The following FRMD5 variants were observed in gnomAD, a reference collection of about 807,000 sequenced individuals.
The protein encoded by FRMD5 is FERM domain containing 5.
FRMD5 carries 20 observed loss-of-function variants against 69.0 expected under a neutral mutation model. The ratio of observed to expected loss-of-function variants is 0.29; its 90% CI spans 0.20 to 0.42. The LOEUF is 0.42. Ranked by LOEUF, FRMD5 falls within the 10% of genes least tolerant of loss-of-function variation. The pLI is 1.00. For synonymous variants in FRMD5, 271 were observed against 260.1 expected, an observed-to-expected ratio of 1.04 and a Z score of -0.40; for missense variants, 595 against 708.6, an observed-to-expected ratio of 0.84 and a Z score of 1.82.
intron 1 of FRMD5, among the ~76,000 whole-genome samples, chr15:44,168,147 T>G (rs1212238860): frequency 3.3e-5 from 5 of 152,180 alleles, no homozygotes; most frequent in Non-Finnish European, 1.5e-5. Context: ...TAAATCAAAT[T>G]GTTTGCATTG....
At chr15:44,015,078 A>G (rs2140231658) in intron 1 of FRMD5, among the ~76,000 whole-genome samples, 1 of 152,132 alleles carries the variant, frequency 6.6e-6, no homozygotes, top group Non-Finnish European at 1.5e-5. Context: ...GTGCCAAATC[A>G]CCACTTAGGA....
intron 1 of FRMD5, among the ~76,000 whole-genome samples, chr15:44,172,283 T>C (rs2140532734): frequency 6.6e-6 from 1 of 150,760 alleles, no homozygotes; most frequent in East Asian, 1.9e-4. Context: ...TTTTTTTTTT[T>C]TTTTTAATTT....
chr15:43,877,510 A>G (rs370519466), intron 13 of FRMD5, among the ~76,000 whole-genome samples: 6 of 152,236 alleles, frequency 3.9e-5, no homozygotes, highest in East Asian at 3.8e-4. Context: ...GCACAGGCAC[A>G]GTTAAGGATT....
chr15:44,139,640 C>T (rs2077237215), intron 1 of FRMD5, among the ~76,000 whole-genome samples: 1 of 146,912 alleles, frequency 6.8e-6, no homozygotes. Context: ...GCTGTAATTC[C>T]AGCACTTTGG....
At chr15:43,889,004 T>C in intron 8 of FRMD5, 132 bp from the exon 9 acceptor site, 1 of 731,760 alleles carries the variant, frequency 1.4e-6, no homozygotes, top group Non-Finnish European at 2.4e-6. Flanking sequence ...AAATCAGAAC[T>C]GAAACAAGAC....
intron 1 of FRMD5, among the ~76,000 whole-genome samples, chr15:44,004,790 G>T (rs1476549035): frequency 9.9e-5 from 15 of 152,168 alleles, no homozygotes; most frequent in Admixed American, 9.8e-4. Flanking sequence ...TAAATCAAAA[G>T]CTAAAAATGA....
intron 1 of FRMD5, among the ~76,000 whole-genome samples, chr15:44,100,047 CTTTTT>C (rs375230009): frequency 4.6e-5 from 6 of 129,272 alleles, no homozygotes; most frequent in Admixed American, 3.9e-4. Flanking sequence ...TTCTTCTTCT[CTTTTT>C]TTTTTTTTTT....
intron 1 of FRMD5, among the ~76,000 whole-genome samples, chr15:44,022,444 T>G (rs910323893): frequency 8.0e-5 from 12 of 150,822 alleles, no homozygotes; most frequent in Admixed American, 4.6e-4. Context: ...CGTGGTGGCA[T>G]GTACCTGTAA....
chr15:43,989,870 G>A (rs1165186008), intron 1 of FRMD5: 6 of 1,035,808 alleles, frequency 5.8e-6, no homozygotes, highest in Non-Finnish European at 9.0e-6. Context: ...ACCTTGGTCA[G>A]CAGCATGGGG....
At chr15:43,955,100 G>A (rs2090093802) in intron 1 of FRMD5, among the ~76,000 whole-genome samples, 1 of 152,072 alleles carries the variant, frequency 6.6e-6, no homozygotes, top group African/African-American at 2.4e-5. Flanking sequence ...AATAAAATTT[G>A]TCCTCAGCCT....
At chr15:44,041,434 T>C (rs988000218) in intron 1 of FRMD5, among the ~76,000 whole-genome samples, 1 of 151,876 alleles carries the variant, frequency 6.6e-6, no homozygotes, top group African/African-American at 2.4e-5. Flanking sequence ...GACCACATAA[T>C]AGACATCTAC....
At chr15:43,904,233 G>A (rs1347488754) in intron 6 of FRMD5, among the ~76,000 whole-genome samples, 1 of 152,216 alleles carries the variant, frequency 6.6e-6, no homozygotes, top group Non-Finnish European at 1.5e-5. Context: ...ACAAGTTGAA[G>A]CTTAGTATTA....
At chr15:44,058,507 A>G (rs1892959961) in intron 1 of FRMD5, among the ~76,000 whole-genome samples, 1 of 152,196 alleles carries the variant, frequency 6.6e-6, no homozygotes, top group Non-Finnish European at 1.5e-5. Flanking sequence ...TGTGTAAATT[A>G]TATCTCAGTA....
At chr15:43,963,848 T>C (rs750121503) in intron 1 of FRMD5, among the ~76,000 whole-genome samples, 5 of 151,892 alleles carry the variant, frequency 3.3e-5, no homozygotes, top group Non-Finnish European at 5.9e-5. Flanking sequence ...CAGGTGGGAA[T>C]TGAACAATGA....
intron 1 of FRMD5, among the ~76,000 whole-genome samples, chr15:44,103,607 G>A (rs1039976748): frequency 6.6e-6 from 1 of 152,124 alleles, no homozygotes; most frequent in Admixed American, 6.6e-5. Flanking sequence ...AAGGTTGTGC[G>A]ACCTTTGCCA....
At chr15:44,073,984 T>C (rs1893649132) in intron 1 of FRMD5, among the ~76,000 whole-genome samples, 1 of 152,200 alleles carries the variant, frequency 6.6e-6, no homozygotes, top group South Asian at 2.1e-4. Context: ...TCCAACACCA[T>C]GTATTCTTAA....
At chr15:44,000,242 C>G (rs967858035) in intron 1 of FRMD5, among the ~76,000 whole-genome samples, 1 of 151,920 alleles carries the variant, frequency 6.6e-6, no homozygotes, top group Non-Finnish European at 1.5e-5. Context: ...CCTGCTCAGT[C>G]TCCCAAAATG....
intron 1 of FRMD5, among the ~76,000 whole-genome samples, chr15:44,089,762 C>CA (rs976282713): frequency 6.6e-6 from 1 of 151,862 alleles, no homozygotes; most frequent in African/African-American, 2.4e-5. Flanking sequence ...TTTCTGCAGT[C>CA]AGAGCAAGCA....
At chr15:44,076,027 G>C (rs1487242658) in intron 1 of FRMD5, among the ~76,000 whole-genome samples, 1 of 152,058 alleles carries the variant, frequency 6.6e-6, no homozygotes, top group Non-Finnish European at 1.5e-5. Context: ...TTTTTTTCTT[G>C]TAAATTTGTT....
Sources: allele counts gnomAD v4.1 joint callset (sites outside exome capture counted in the v4.1 genomes callset), GRCh38; gene constraint gnomAD v4.1.1; transcripts MANE v1.5; gene names NCBI Gene and HGNC (gene_info 2026-07-23, HGNC 2026-07-21).